ANKRD11: variants seen among roughly 807,000 people sequenced by gnomAD.
ANKRD11 encodes the protein ankyrin repeat domain 11.
In ANKRD11, 17 loss-of-function variants were observed where a neutral mutation model predicts 195.7. The ratio of observed to expected loss-of-function variants is 0.09; its 90% CI spans 0.06 to 0.13. ANKRD11 has a LOEUF of 0.13. Ranked by LOEUF, ANKRD11 falls within the 10% of genes least tolerant of loss-of-function variation. ANKRD11 has a pLI of 1.00. For missense variants in ANKRD11, 3,735 were observed against 3,566.1 expected (o/e 1.05, Z -1.21); for synonymous variants, 1,953 against 1,528.1 (o/e 1.28, Z -6.49).
chr16:89,447,294 C>CCT (rs1047302923), intron 1 of ANKRD11, among the ~76,000 whole-genome samples: 12 of 152,272 alleles, frequency 7.9e-5, no homozygotes, highest in Middle Eastern at 3.4e-3. Context: ...TAGATGCCTC[C>CCT]CTCTCTTCCC....
intron 2 of ANKRD11, chr16:89,403,629 G>C (rs985876386): frequency 6.6e-6 from 1 of 152,198 alleles, no homozygotes; most frequent in African/African-American, 2.4e-5. Context: ...CCCGGGAAGG[G>C]ATTTCAAAAC....
chr16:89,369,523 C>T (rs961015124), intron 2 of ANKRD11, among the ~76,000 whole-genome samples: 2 of 152,238 alleles, frequency 1.3e-5, no homozygotes, highest in African/African-American at 4.8e-5. Flanking sequence ...ACAGATTGTC[C>T]TTCACATGAA....
At chr16:89,313,147 C>T (rs956019282) in intron 3 of ANKRD11, among the ~76,000 whole-genome samples, 19 of 152,188 alleles carry the variant, frequency 1.2e-4, no homozygotes, top group African/African-American at 3.1e-4. Flanking sequence ...GACTGCTCGT[C>T]GGAGGACACA....
intron 2 of ANKRD11, among the ~76,000 whole-genome samples, chr16:89,408,760 T>C (rs1449195786): frequency 6.6e-6 from 1 of 152,146 alleles, no homozygotes; most frequent in Admixed American, 6.5e-5. Context: ...CGTGGAATCC[T>C]GAATTCAAAC....
At chr16:89,311,413 T>C (rs1193402511) in intron 3 of ANKRD11, among the ~76,000 whole-genome samples, 1 of 152,170 alleles carries the variant, frequency 6.6e-6, no homozygotes, top group Non-Finnish European at 1.5e-5. Flanking sequence ...CAACTGTCTA[T>C]CTAGATAGAA....
chr16:89,270,696 G>T, intron 12 of ANKRD11, 121 bp downstream of exon 12: 3 of 944,110 alleles, frequency 3.2e-6, no homozygotes, highest in Non-Finnish European at 5.0e-6. Context: ...AATTGTCACC[G>T]CCCATCACAG....
chr16:89,311,588 G>C (rs2036609382), intron 3 of ANKRD11, among the ~76,000 whole-genome samples: 1 of 152,104 alleles, frequency 6.6e-6, no homozygotes, highest in African/African-American at 2.4e-5. Flanking sequence ...ACTAGAAATG[G>C]ATCATAGACC....
chr16:89,317,171 C>T (rs1337505690), intron 2 of ANKRD11, 93 bp from the exon 3 acceptor site: 1 of 895,294 alleles, frequency 1.1e-6, no homozygotes, highest in African/African-American at 1.6e-5. Flanking sequence ...AGTAACTAGT[C>T]AAGGCAGGCA....
At chr16:89,385,423 C>T (rs928996435) in intron 2 of ANKRD11, among the ~76,000 whole-genome samples, 2 of 152,158 alleles carry the variant, frequency 1.3e-5, no homozygotes, top group Non-Finnish European at 2.9e-5. Flanking sequence ...GCCACCGGAC[C>T]CAGCAGACAG....
intron 1 of ANKRD11, among the ~76,000 whole-genome samples, chr16:89,471,176 A>C (rs1373514580): frequency 6.6e-6 from 1 of 151,700 alleles, no homozygotes; most frequent in African/African-American, 2.4e-5. Context: ...GCAGAGTGAG[A>C]CCCCACCTCT....
chr16:89,439,708 C>G (rs1294494195), intron 1 of ANKRD11, among the ~76,000 whole-genome samples: 2 of 152,122 alleles, frequency 1.3e-5, no homozygotes, highest in African/African-American at 4.8e-5. Flanking sequence ...CTCAGCACAC[C>G]TCCATCCACC....
chr16:89,445,196 G>A (rs1597430683), intron 1 of ANKRD11, among the ~76,000 whole-genome samples: 1 of 152,214 alleles, frequency 6.6e-6, no homozygotes, highest in East Asian at 1.9e-4. Context: ...TTATCCATGT[G>A]GCTTGTTTAC....
At chr16:89,386,899 C>A (rs1200102195) in intron 2 of ANKRD11, among the ~76,000 whole-genome samples, 1 of 152,086 alleles carries the variant, frequency 6.6e-6, no homozygotes, top group Non-Finnish European at 1.5e-5. Context: ...CAGCAAGAGA[C>A]CCTGCCCCAG....
At position 89,313,249 on chromosome 16, in the gene ANKRD11, GCCATGGGGTGGGGACGACAGGGGAC is replaced by G. The variant is rs936000377; in HGVS notation, c.87+3659_87+3683del. The G allele has an allele frequency of 5.0e-5, 62 of 1,250,888 alleles. 1 individual carries two copies. Among genetic ancestry groups the G allele is most frequent in the African/African-American group, 2.8e-4 (18 of 65,352 alleles). 77.5% of individuals were successfully genotyped at this position (1,250,888 alleles called of 1,614,324 possible). On this transcript the variant is annotated intron_variant, in intron 3 of 12. Transcript: ENST00000301030. The stretch of plus-strand genomic sequence containing the variant: ...GAGCACAATGAGACAGGGTGACTGT[GCCATGGGGTGGGGACGACAGGGGAC>G]CCATGGGGTGGGGACGACACTGTTC...
chr16:89,409,653 AAC>A (rs996068632), intron 2 of ANKRD11, among the ~76,000 whole-genome samples: 3 of 151,822 alleles, frequency 2.0e-5, no homozygotes, highest in Non-Finnish European at 2.9e-5. Context: ...GTTGTACCAA[AAC>A]ACACACACAC....
At chr16:89,349,130 A>G (rs2039077876) in intron 2 of ANKRD11, among the ~76,000 whole-genome samples, 1 of 133,800 alleles carries the variant, frequency 7.5e-6, no homozygotes, top group Admixed American at 7.7e-5. Context: ...ACTGTCTCAA[A>G]AAGTAAAAAA....
chr16:89,357,814 T>C (rs1170831537), intron 2 of ANKRD11, among the ~76,000 whole-genome samples: 1 of 152,216 alleles, frequency 6.6e-6, no homozygotes, highest in African/African-American at 2.4e-5. Context: ...AGCCAATCCA[T>C]GGCCACAGGA....
At chr16:89,489,243 G>GCA (rs774254720) in intron 1 of ANKRD11, 1 of 141,376 alleles carries the variant, frequency 7.1e-6, no homozygotes, top group Non-Finnish European at 1.6e-5. Flanking sequence ...GCGCGCGCGC[G>GCA]CGCACACACA....
At chr16:89,441,461 G>C (rs990202628) in intron 1 of ANKRD11, among the ~76,000 whole-genome samples, 3 of 151,668 alleles carry the variant, frequency 2.0e-5, no homozygotes, top group African/African-American at 7.3e-5. Context: ...TTCAGAAAAA[G>C]AATTATTAAA....
Sources: gnomAD v4.1 joint callset for allele counts (sites outside exome capture counted in the v4.1 genomes callset) on GRCh38, gnomAD v4.1.1 for gene constraint, MANE v1.5 for transcripts, NCBI Gene and HGNC (gene_info 2026-07-23, HGNC 2026-07-21) for gene names.